Variants in ZFAND3 observed in about 807,000 individuals in gnomAD.
ZFAND3 encodes the protein AN1-type zinc finger protein 3.
In ZFAND3, 10 loss-of-function variants were observed where a neutral mutation model predicts 29.6. The observed-to-expected ratio is 0.34, with a 90% confidence interval of 0.21 to 0.57. The LOEUF is 0.57. ZFAND3 is among the 20% of genes least tolerant of loss of function. The pLI, the probability that ZFAND3 is intolerant of heterozygous loss-of-function variation, is 0.86. For synonymous variants in ZFAND3, 128 were observed against 112.6 expected, an observed-to-expected ratio of 1.14 and a Z score of -0.87; for missense variants, 230 against 304.5, an observed-to-expected ratio of 0.76 and a Z score of 1.82.
At chr6:38,052,450 TTGTC>T (rs1256828515) in intron 2 of ZFAND3, among the ~76,000 whole-genome samples, 1 of 152,198 alleles carries the variant, frequency 6.6e-6, no homozygotes, top group African/African-American at 2.4e-5. Context: ...CCATTTTAAA[TTGTC>T]TGTAAGAGAA....
chr6:37,855,382 C>T (rs961464983), intron 1 of ZFAND3, among the ~76,000 whole-genome samples: 1 of 151,406 alleles, frequency 6.6e-6, no homozygotes, highest in Non-Finnish European at 1.5e-5. Context: ...GAACTCCTGA[C>T]CTCAGGTGAT....
At chr6:37,998,342 A>C (rs1458042489) in intron 2 of ZFAND3, among the ~76,000 whole-genome samples, 1 of 152,202 alleles carries the variant, frequency 6.6e-6, no homozygotes, top group African/African-American at 2.4e-5. Flanking sequence ...TTTTAGAGGG[A>C]TGGAACTATT....
chr6:37,820,130 C>T (rs556928213), intron 1 of ZFAND3, 114 bp downstream of exon 1: 40,098 of 559,088 alleles, frequency 0.072, 2,181 homozygotes, highest in Non-Finnish European at 0.083. Context: ...TGGGCCCAGC[C>T]CGGGCCTACG....
At chr6:37,985,527 A>ACACACACACACCC (rs753070737) in intron 2 of ZFAND3, among the ~76,000 whole-genome samples, 4 of 141,656 alleles carry the variant, frequency 2.8e-5, no homozygotes, top group Admixed American at 7.1e-5. Context: ...ACACACACAC[A>ACACACACACACCC]CCCCCACACA....
intron 2 of ZFAND3, among the ~76,000 whole-genome samples, chr6:38,024,465 C>A (rs190957187): frequency 6.1e-4 from 77 of 127,112 alleles, no homozygotes; most frequent in Admixed American, 2.2e-3. Flanking sequence ...AGCGAGACTC[C>A]GTCTCAAAAA....
chr6:37,866,286 T>G (rs1228366183), intron 1 of ZFAND3, among the ~76,000 whole-genome samples: 1 of 152,192 alleles, frequency 6.6e-6, no homozygotes, highest in Admixed American at 6.5e-5. Flanking sequence ...TTTTCCAGTC[T>G]TTTTTGTTTC....
In ZFAND3 at chr6:37,909,844, A is replaced by G. The variant is rs115600313; in HGVS notation, c.72-20115A>G. Among the ~76,000 whole-genome samples the G allele has an allele frequency of 2.6e-3, 389 of 152,276 alleles. 3 individuals carry two copies. The highest frequency in any genetic ancestry group is 9.1e-3 in the African/African-American group (378 of 41,538). ...TAATTAATGTGAAGCTCTTTGCTCT[A>G]TCATTGATTTGTGACTGGCTTACAC... is the stretch of plus-strand genomic sequence containing the variant. On this transcript the variant is annotated intron_variant, in intron 1 of 5. Transcript: ENST00000287218.
chr6:37,977,770 G>GTTTTTTTTTT (rs1213067308), intron 2 of ZFAND3, among the ~76,000 whole-genome samples: 2 of 108,862 alleles, frequency 1.8e-5, no homozygotes, highest in Non-Finnish European at 3.9e-5. Context: ...GGTTTGCTGA[G>GTTTTTTTTTT]TTTTTTGTTT....
At chr6:37,924,767 G>A (rs1761451647) in intron 1 of ZFAND3, among the ~76,000 whole-genome samples, 1 of 151,830 alleles carries the variant, frequency 6.6e-6, no homozygotes, top group Non-Finnish European at 1.5e-5. Context: ...GCTGCAGTGA[G>A]CTATGATTGG....
chr6:37,884,494 C>CAAAAAAA (rs58015486), intron 1 of ZFAND3, among the ~76,000 whole-genome samples: 8 of 53,838 alleles, frequency 1.5e-4, no homozygotes, highest in Admixed American at 2.2e-4. Flanking sequence ...AACTCTAGCT[C>CAAAAAAA]AAAAAAAAAA....
intron 1 of ZFAND3, among the ~76,000 whole-genome samples, chr6:37,919,353 G>A (rs567012080): frequency 2.0e-5 from 3 of 152,278 alleles, no homozygotes; most frequent in South Asian, 2.1e-4. Flanking sequence ...GTATATGCTC[G>A]TAATATAAAT....
At chr6:38,152,132 A>T in intron 5 of ZFAND3, 103 bp from the exon 6 acceptor site, 2 of 1,126,578 alleles carry the variant, frequency 1.8e-6, no homozygotes, top group Non-Finnish European at 2.5e-6. Context: ...TTGTCCACTC[A>T]CTGGGATGCC....
intron 1 of ZFAND3, among the ~76,000 whole-genome samples, chr6:37,861,494 A>G (rs1033771636): frequency 6.6e-6 from 1 of 151,004 alleles, no homozygotes. Context: ...TTAAGGGTAC[A>G]GTGAAAAAAG....
chr6:37,966,942 T>C (rs1045225610), intron 2 of ZFAND3, among the ~76,000 whole-genome samples: 1 of 152,336 alleles, frequency 6.6e-6, no homozygotes, highest in Non-Finnish European at 1.5e-5. Context: ...TTATCTGTTA[T>C]TTCCTCATGT....
At chr6:38,121,479 C>T (rs569198032) in intron 5 of ZFAND3, among the ~76,000 whole-genome samples, 1 of 152,342 alleles carries the variant, frequency 6.6e-6, no homozygotes, top group African/African-American at 2.4e-5. Context: ...GGGACCCACA[C>T]CCAGAGGTTC....
chr6:37,866,354 A>C (rs1454997485), intron 1 of ZFAND3, among the ~76,000 whole-genome samples: 1 of 152,164 alleles, frequency 6.6e-6, no homozygotes, highest in Non-Finnish European at 1.5e-5. Context: ...GTCTATATAT[A>C]GTTTGCCCAA....
intron 5 of ZFAND3, among the ~76,000 whole-genome samples, chr6:38,144,184 AATATATAT>A (rs1554183921): frequency 2.8e-4 from 12 of 42,556 alleles, no homozygotes; most frequent in South Asian, 1.0e-3. Flanking sequence ...ATATATATAT[AATATATAT>A]ATATATATAT....
At chr6:37,837,372 T>G (rs1763986715) in intron 1 of ZFAND3, among the ~76,000 whole-genome samples, 1 of 152,214 alleles carries the variant, frequency 6.6e-6, no homozygotes, top group African/African-American at 2.4e-5. Flanking sequence ...TTGCTGTGTG[T>G]GATTTTCTGT....
intron 2 of ZFAND3, among the ~76,000 whole-genome samples, chr6:38,007,125 C>T (rs1472439756): frequency 3.9e-5 from 6 of 152,134 alleles, no homozygotes; most frequent in African/African-American, 1.4e-4. Context: ...AAAGGAAAAT[C>T]ATCACCATAG....
Sources: gnomAD v4.1 joint callset for allele counts (sites outside exome capture counted in the v4.1 genomes callset) on GRCh38, gnomAD v4.1.1 for gene constraint, MANE v1.5 for transcripts, NCBI Gene and HGNC (gene_info 2026-07-23, HGNC 2026-07-21) for gene names.